Variants in FAM117A observed in about 807,000 individuals in gnomAD.
FAM117A encodes the protein family with sequence similarity 117 member A.
In FAM117A, 21 loss-of-function variants were observed where a neutral mutation model predicts 44.1. The ratio of observed to expected loss-of-function variants is 0.48; its 90% confidence interval spans 0.34 to 0.69. FAM117A has a LOEUF of 0.69. FAM117A is among the 30% of genes least tolerant of loss of function. The pLI is 0.01. For synonymous variants in FAM117A, 220 were observed against 238.3 expected, an observed-to-expected ratio of 0.92 and a Z score of 0.71; for missense variants, 498 against 589.9, an observed-to-expected ratio of 0.84 and a Z score of 1.61.
intron 2 of FAM117A, among the ~76,000 whole-genome samples, chr17:49,730,959 G>C (rs1567829164): frequency 6.6e-6 from 1 of 152,164 alleles, no homozygotes; most frequent in Non-Finnish European, 1.5e-5. Context: ...TTGGCTGTCT[G>C]TTTACTGGCC....
intron 1 of FAM117A, among the ~76,000 whole-genome samples, chr17:49,746,130 T>C (rs1273841923): frequency 6.6e-6 from 1 of 152,220 alleles, no homozygotes; most frequent in Non-Finnish European, 1.5e-5. Context: ...CATATGGATG[T>C]ATATATGTGC....
chr17:49,769,130 T>C (rs955591239), upstream of FAM117A, among the ~76,000 whole-genome samples: 3 of 152,036 alleles, frequency 2.0e-5, no homozygotes, highest in African/African-American at 4.8e-5. Flanking sequence ...ACCCCGTCTC[T>C]ACTAAAATAC....
chr17:49,771,499 T>G (rs146153911), intron 1 of FAM117A, among the ~76,000 whole-genome samples: 1 of 142,810 alleles, frequency 7.0e-6, no homozygotes, highest in Non-Finnish European at 1.5e-5. Flanking sequence ...AAAAAAAAAA[T>G]GTCCTCCTGC....
chr17:49,719,817 G>C lies in FAM117A; in HGVS notation c.651C>G (p.Leu217=). The change falls in exon 5 of 8, where the codon CTC becomes CTG. Residue 217 remains leucine, a synonymous_variant. Transcript: ENST00000240364. ...SPCLHRSLEG[L]NQELEEVFVK... ...CAAATACCTCCTCCAGCTCTTGGTT[G>C]AGCCCTTCCAGGCTCCTGTGCAGGC... is the stretch of plus-strand genomic sequence containing the variant. 6.2e-7 allele frequency: 1 copy of C among 1,607,010 alleles called. No homozygotes were observed. The highest frequency in any genetic ancestry group is 1.7e-4 in the Middle Eastern group (1 of 6,032).
chr17:49,725,823 G>T (rs2143718306), intron 2 of FAM117A, among the ~76,000 whole-genome samples: 1 of 152,302 alleles, frequency 6.6e-6, no homozygotes, highest in Middle Eastern at 3.4e-3. Context: ...AGATTATCTG[G>T]GTGGACCCTA....
intron 1 of FAM117A, among the ~76,000 whole-genome samples, chr17:49,734,706 A>AT (rs2073602938): frequency 6.6e-6 from 1 of 152,224 alleles, no homozygotes; most frequent in African/African-American, 2.4e-5. Flanking sequence ...TTCCACTCCT[A>AT]GGTATATACC....
chr17:49,752,217 C>T (rs546622545), intron 1 of FAM117A, among the ~76,000 whole-genome samples: 76 of 152,308 alleles, frequency 5.0e-4, no homozygotes, highest in Admixed American at 1.2e-3. Flanking sequence ...ATGGAGCTTT[C>T]TCCCAGAGTT....
chr17:49,759,995 G>T lies in FAM117A; in HGVS notation c.196+3897C>A, dbSNP rs146012652. ...CATCTGATTTTGAAATGTGTTCACC[G>T]CAGTTTTGGGTTGTCAGGTTGGGGG... On this transcript the variant is annotated intron_variant, in intron 1 of 7. Transcript: ENST00000240364. Among the ~76,000 whole-genome samples the T allele has an allele frequency of 9.9e-3, 1,505 of 152,320 alleles. 5 individuals carry two copies. The highest frequency in any genetic ancestry group is 0.014 in the Non-Finnish European group (977 of 68,030).
chr17:49,740,397 C>T lies in FAM117A; in HGVS notation c.197-7677G>A, dbSNP rs991944151. ...CCCGAGTAGCTGGGACTACAGGCGC[C>T]CACCACCGCGCCCGGCTAATTTTTT... On this transcript the variant is annotated intron_variant, in intron 1 of 7. Coordinates refer to ENST00000240364, the MANE Select transcript of FAM117A (RefSeq NM_030802.4). 2.6e-5 allele frequency among the ~76,000 whole-genome samples: 4 copies of T among 152,214 alleles called. No individual in the cohort carries two copies. In the South Asian group the frequency reaches 6.2e-4, roughly 24 times the overall value.
At chr17:49,778,811 G>T (rs2073781821) in intron 1 of FAM117A, among the ~76,000 whole-genome samples, 1 of 152,162 alleles carries the variant, frequency 6.6e-6, no homozygotes, top group African/African-American at 2.4e-5. Context: ...GTGTTGGGGA[G>T]ACAGAAAGTA....
intron 1 of FAM117A, among the ~76,000 whole-genome samples, chr17:49,787,296 G>A (rs1299688439): frequency 3.3e-5 from 5 of 152,202 alleles, no homozygotes; most frequent in African/African-American, 7.2e-5. Context: ...TGCTTAAGTG[G>A]TGAGAAGTAA....
chr17:49,718,237 G>A (rs1449324168), intron 5 of FAM117A, among the ~76,000 whole-genome samples: 2 of 152,180 alleles, frequency 1.3e-5, no homozygotes, highest in Non-Finnish European at 2.9e-5. Context: ...CATGTGTTTG[G>A]GTATATGTAA....
In FAM117A at chr17:49,722,905, G is replaced by T. The variant is rs1390634576; in HGVS notation, c.367-311C>A. Among the ~76,000 whole-genome samples, 4 of 152,004 alleles carry T rather than the reference G, an allele frequency of 2.6e-5. No homozygotes were observed. The South Asian group carries it at 8.3e-4, about 32-fold the overall frequency. On this transcript the variant is annotated intron_variant, in intron 2 of 7. Transcript: ENST00000240364. ...ATCCTCAGTGGTGAGGACAAGTATT[G>T]CCACTCCTATCCCAACCAGCTCCAA...
intron 1 of FAM117A, among the ~76,000 whole-genome samples, chr17:49,733,267 G>C (rs572648569): frequency 6.6e-6 from 1 of 152,302 alleles, no homozygotes; most frequent in African/African-American, 2.4e-5. Context: ...TGACATACTG[G>C]AACTACTTTC....
At chr17:49,743,932 A>AC (rs2073644406) in intron 1 of FAM117A, among the ~76,000 whole-genome samples, 1 of 152,004 alleles carries the variant, frequency 6.6e-6, no homozygotes, top group Non-Finnish European at 1.5e-5. Flanking sequence ...CTGTCTTAAA[A>AC]AAAAAAAGGT....
At chr17:49,725,416 G>A (rs1322678360) in intron 2 of FAM117A, among the ~76,000 whole-genome samples, 4 of 152,148 alleles carry the variant, frequency 2.6e-5, no homozygotes, top group Non-Finnish European at 5.9e-5. Context: ...TGTTCTTATT[G>A]GGGAGACAGT....
intron 2 of FAM117A, among the ~76,000 whole-genome samples, chr17:49,724,877 A>G (rs1227656459): frequency 5.3e-5 from 8 of 152,014 alleles, no homozygotes; most frequent in Admixed American, 4.6e-4. Flanking sequence ...AAGAAAAAGA[A>G]AGGGATGTGA....
At chr17:49,726,675 C>T (rs2073561370) in intron 2 of FAM117A, among the ~76,000 whole-genome samples, 1 of 152,134 alleles carries the variant, frequency 6.6e-6, no homozygotes, top group Non-Finnish European at 1.5e-5. Flanking sequence ...AAGAAAAGCT[C>T]CCCTTCAAAA....
chr17:49,726,451 A>T (rs186497184), intron 2 of FAM117A, among the ~76,000 whole-genome samples: 1 of 152,302 alleles, frequency 6.6e-6, no homozygotes, highest in Admixed American at 6.5e-5. Flanking sequence ...ACCTAAGGTG[A>T]TCTGCCTGCC....
Sources: allele counts gnomAD v4.1 joint callset (sites outside exome capture counted in the v4.1 genomes callset), GRCh38; gene constraint gnomAD v4.1.1; transcripts MANE v1.5; gene names NCBI Gene and HGNC (gene_info 2026-07-23, HGNC 2026-07-21).